Variants in NLRP5 observed in about 807,000 individuals in gnomAD.
NLRP5 encodes NACHT, LRR and PYD domains-containing protein 5.
NLRP5 carries 93 observed loss-of-function variants against 113.1 expected under a neutral mutation model. That is an observed-to-expected ratio of 0.82 (90% confidence interval 0.70 to 0.98). NLRP5 has a LOEUF of 0.98. NLRP5 is among the 50% of genes least tolerant of loss of function. The probability of loss-of-function intolerance (pLI) is 0.00; values close to 1 mark genes in which losing one functional copy is unlikely to be tolerated. For synonymous variants in NLRP5, 751 were observed against 600.7 expected (o/e 1.25, Z -3.66); for missense variants, 1,808 against 1,514.3 (o/e 1.19, Z -3.22).
At chr19:56,014,636 C>T (rs1982336843) in intron 3 of NLRP5, among the ~76,000 whole-genome samples, 1 of 152,090 alleles carries the variant, frequency 6.6e-6, no homozygotes, top group African/African-American at 2.4e-5. Context: ...TCAACTTCAT[C>T]CTTTTGTGTG....
At chr19:55,997,647 C>T (rs923956591), upstream of NLRP5, among the ~76,000 whole-genome samples, 2 of 152,076 alleles carry the variant, frequency 1.3e-5, no homozygotes, top group Non-Finnish European at 2.9e-5. Context: ...GCCTAGCCAA[C>T]ATGGTAAAAC....
At chr19:56,025,573 C>CTT (rs11414927) in intron 6 of NLRP5, among the ~76,000 whole-genome samples, 34 of 151,134 alleles carry the variant, frequency 2.2e-4, no homozygotes, top group Non-Finnish European at 2.8e-4. Context: ...GTCTGGCTAA[C>CTT]TTTTTTTTTC....
At chr19:56,034,372 G>A (rs59794747) in intron 9 of NLRP5, among the ~76,000 whole-genome samples, 22,996 of 152,192 alleles carry the variant, frequency 0.15, 2,946 homozygotes, top group East Asian at 0.65. Flanking sequence ...GGCAACAAGA[G>A]CAAAACTCTG....
At chr19:56,035,291 A>G (rs1379088564) in intron 9 of NLRP5, among the ~76,000 whole-genome samples, 2 of 152,240 alleles carry the variant, frequency 1.3e-5, no homozygotes, top group Non-Finnish European at 2.9e-5. Flanking sequence ...GTAAGAAAGA[A>G]GAAGAATTTG....
At chr19:56,007,892 CGTGCGCGCGTGCGTGTGTGTGTGT>C in intron 2 of NLRP5, among the ~76,000 whole-genome samples, 1 of 106,880 alleles carries the variant, frequency 9.4e-6, no homozygotes, top group South Asian at 2.9e-4. Flanking sequence ...TGTGTGTGCG[CGTGCGCGCGTGCGTGTGTGTGTGT>C]GTGTGTGTGT....
rs554159248 is a variant in NLRP5, at chr19:56,041,591, A to G, written c.2957+499A>G. 2.0e-5 allele frequency among the ~76,000 whole-genome samples: 3 copies of G among 152,178 alleles called. No individual in the cohort carries two copies. In the South Asian group the frequency reaches 6.2e-4, roughly 31 times the overall value. ...ATCTGACACAAGTGATGGACCTCAC[A>G]GCCTCCCCACGCTCCCCAGCATTGG... On this transcript the variant is annotated intron_variant, in intron 11 of 14. Transcript: ENST00000390649.
At chr19:56,049,271 C>G (rs540298189) in intron 11 of NLRP5, among the ~76,000 whole-genome samples, 1 of 152,060 alleles carries the variant, frequency 6.6e-6, no homozygotes, top group South Asian at 2.1e-4. Context: ...CCTTTGCCTC[C>G]TGGGTTCAAG....
rs1982919752 is a variant in NLRP5, at chr19:56,027,656, T to G, written c.1423T>G (p.Ser475Ala). 1.2e-6 allele frequency: 2 copies of G among 1,613,460 alleles called. No individual in the cohort carries two copies. Among genetic ancestry groups the G allele is most frequent in the East Asian group, 2.2e-5 (1 of 44,880 alleles). The change falls in exon 7 of 15, where the codon TCT becomes GCT. Residue 475 changes from serine (S) to alanine (A), a missense_variant. Physicochemically the swap from Ser to Ala is moderately conservative, Grantham distance 99 (BLOSUM62 1). Transcript: ENST00000390649. ...CCAGTGCCAGGTGCCCGCCGTGGGCTCTCTCATCTGCGTGGCCCTGCAGCT... is the reference window on the plus strand; with the variant it reads ...CCAGTGCCAGGTGCCCGCCGTGGGCGCTCTCATCTGCGTGGCCCTGCAGCT...
Position 56,032,738 on chromosome 19 carries a change from T to C in NLRP5, c.2404T>C (p.Cys802Arg), listed in dbSNP as rs753182941. Residue 802 changes from cysteine to arginine, a missense_variant, in exon 8 of 15, where the codon TGT (cysteine) becomes CGT (arginine). Coordinates refer to ENST00000390649, the MANE Select transcript of NLRP5 (RefSeq NM_153447.4). ...GACAGAGCGGGCCATGAAGACCCTG[T>C]GTGCCAAGCTGAGGCATCCCACCTG... 2.3e-5 allele frequency: 37 copies of C among 1,612,536 alleles called. No homozygotes were observed. The highest frequency in any genetic ancestry group is 2.9e-5 in the Non-Finnish European group (34 of 1,179,682).
intron 2 of NLRP5, among the ~76,000 whole-genome samples, chr19:56,007,371 T>TTTA (rs58924488): frequency 2.7e-5 from 4 of 150,168 alleles, no homozygotes; most frequent in South Asian, 2.1e-4. Context: ...TTTTTTTTTT[T>TTTA]ATAGAAAGTC....
At chr19:56,017,103 G>A (rs10415032) in intron 4 of NLRP5, among the ~76,000 whole-genome samples, 3,198 of 152,164 alleles carry the variant, frequency 0.021, 96 homozygotes, top group African/African-American at 0.072. Flanking sequence ...CACCGCGCCC[G>A]GCCAAAATCC....
chr19:56,058,870 A>G lies in NLRP5; in HGVS notation c.3470+460A>G, dbSNP rs575032719. ...AAGCAGAATGTGGTGTATACCAACA[A>G]TGGAATTGTATTCAGTCTCAAAAAG... is the stretch of plus-strand genomic sequence containing the variant. On this transcript the variant is annotated intron_variant, in intron 14 of 14. Transcript: ENST00000390649. Among the ~76,000 whole-genome samples the G allele has an allele frequency of 2.8e-3, 426 of 152,358 alleles. 2 individuals carry two copies. Among genetic ancestry groups the G allele is most frequent in the South Asian group, 7.7e-3 (37 of 4,826 alleles).
rs959246286 is a variant in NLRP5, at chr19:56,044,046, TTA to T, written c.2957+2957_2957+2958del. Among the ~76,000 whole-genome samples, 51 of 150,994 alleles carry T rather than the reference TTA, an allele frequency of 3.4e-4. 1 individual carries two copies. Among genetic ancestry groups the T allele is most frequent in the African/African-American group, 1.1e-3 (45 of 40,900 alleles). ...TTATCTTCTAGAATTTTTAGAATTT[TTA>T]TAGTTTTAAGTCTTAGGTCTTTTTT... is the stretch of plus-strand genomic sequence containing the variant. On this transcript the variant is annotated intron_variant, in intron 11 of 14. Coordinates refer to ENST00000390649, the MANE Select transcript of NLRP5 (RefSeq NM_153447.4).
intron 6 of NLRP5, among the ~76,000 whole-genome samples, chr19:56,021,546 C>T (rs1421157560): frequency 6.6e-6 from 1 of 152,162 alleles, no homozygotes; most frequent in Non-Finnish European, 1.5e-5. Context: ...TCTCCGATTC[C>T]AGATCGGTCA....
intron 11 of NLRP5, among the ~76,000 whole-genome samples, chr19:56,046,492 T>A (rs2123330585): frequency 6.6e-6 from 1 of 151,710 alleles, no homozygotes; most frequent in Admixed American, 6.6e-5. Flanking sequence ...TTAGGGAGGG[T>A]TCCTTCTTTC....
chr19:55,992,886 G>A, the NLRP5 span, among the ~76,000 whole-genome samples: 5 of 151,108 alleles, frequency 3.3e-5, no homozygotes, highest in African/African-American at 9.7e-5. Flanking sequence ...TTTCGCTCTT[G>A]TTGCCCAGGC....
In NLRP5 at chr19:56,015,830, C is replaced by G. The variant is rs750356694; in HGVS notation, c.565+32C>G. 15 of 1,515,272 alleles carry G rather than the reference C, an allele frequency of 9.9e-6. No individual in the cohort carries two copies. In the Admixed American group the frequency reaches 2.9e-4, roughly 29 times the overall value. The allele number at this position is 1,515,272 out of a possible 1,614,324, so 93.9% of individuals were successfully genotyped here. On this transcript the variant is annotated intron_variant, in intron 4 of 14. Transcript: ENST00000390649. ...GAAATAGATCTATTCATTTGTTGCC[C>G]TCCTGGAAGAAAGTTGGGTGAGAGA...
intron 11 of NLRP5, among the ~76,000 whole-genome samples, chr19:56,048,888 C>A (rs984449059): frequency 6.7e-6 from 1 of 149,768 alleles, no homozygotes; most frequent in African/African-American, 2.5e-5. Context: ...TCCCAGACTT[C>A]TGGAGGCTTT....
rs1386979026 is a variant in NLRP5 at position 56,053,764 on chromosome 19, G to C, written c.3255G>C (p.Leu1085=). Residue 1085 remains leucine (L), a synonymous_variant, in exon 13 of 15, where the codon CTG becomes CTC. Coordinates refer to ENST00000390649, the MANE Select transcript of NLRP5 (RefSeq NM_153447.4). ...TGGGTGACGGTGGGGTTGCTGCGCT[G>C]TGCGAGGGACTGAAGCAAAAGAACA... 2 of 1,613,830 alleles carry C rather than the reference G, an allele frequency of 1.2e-6. No homozygotes were observed. Among genetic ancestry groups the C allele is most frequent in the Non-Finnish European group, 1.7e-6 (2 of 1,179,882 alleles).
Sources: allele counts gnomAD v4.1 joint callset (sites outside exome capture counted in the v4.1 genomes callset), GRCh38; gene constraint gnomAD v4.1.1; transcripts MANE v1.5; gene names NCBI Gene and HGNC (gene_info 2026-07-23, HGNC 2026-07-21).